The following TRAPPC9 variants were observed in gnomAD, a reference collection of about 807,000 sequenced individuals.
TRAPPC9 encodes the protein trafficking protein particle complex subunit 9.
TRAPPC9 carries 83 observed loss-of-function variants against 124.0 expected under a neutral mutation model. The observed-to-expected ratio is 0.67, with a 90% CI of 0.56 to 0.80. The LOEUF (loss-of-function observed/expected upper bound fraction) is 0.80, where lower values mean the gene tolerates loss of function less well. Ranked by LOEUF, TRAPPC9 falls within the 30% of genes least tolerant of loss-of-function variation. The probability of loss-of-function intolerance (pLI) is 0.00; values close to 1 mark genes in which losing one functional copy is unlikely to be tolerated. For missense variants in TRAPPC9, 1,302 were observed against 1,508.3 expected (o/e 0.86, Z 2.27); for synonymous variants, 638 against 617.5 (o/e 1.03, Z -0.49).
chr8:139,763,398 T>C (rs1353201780), intron 21 of TRAPPC9, among the ~76,000 whole-genome samples: 1 of 152,176 alleles, frequency 6.6e-6, no homozygotes, highest in Non-Finnish European at 1.5e-5. Context: ...ATGGGGAACT[T>C]TGAAAATCTG....
At chr8:139,997,800 T>C (rs1420175654) in intron 18 of TRAPPC9, among the ~76,000 whole-genome samples, 2 of 130,968 alleles carry the variant, frequency 1.5e-5, no homozygotes, top group African/African-American at 6.0e-5. Context: ...AGGGAGACAA[T>C]GCATCCTACA....
At chr8:140,333,067 A>G (rs1349287225) in intron 9 of TRAPPC9, among the ~76,000 whole-genome samples, 2 of 152,026 alleles carry the variant, frequency 1.3e-5, no homozygotes, top group East Asian at 3.9e-4. Flanking sequence ...CAGAGGTTGC[A>G]GTGAGCCGAG....
intron 20 of TRAPPC9, among the ~76,000 whole-genome samples, chr8:139,893,630 A>G (rs1224302234): frequency 6.6e-6 from 1 of 152,278 alleles, no homozygotes; most frequent in Non-Finnish European, 1.5e-5. Flanking sequence ...GCATGAATGT[A>G]GGCATAAAGA....
upstream of TRAPPC9, among the ~76,000 whole-genome samples, chr8:140,457,961 G>T (rs2071754058): frequency 1.7e-5 from 2 of 120,608 alleles, no homozygotes; most frequent in African/African-American, 6.6e-5. Context: ...TGGGGTGAAA[G>T]AAGGAGGGAG....
intron 16 of TRAPPC9, among the ~76,000 whole-genome samples, chr8:140,242,252 A>G (rs1306453881): frequency 2.0e-5 from 3 of 152,150 alleles, no homozygotes; most frequent in African/African-American, 7.2e-5. Context: ...ACACCAGAAG[A>G]TGGATTCAAG....
At chr8:139,795,381 C>A (rs1179831148) in intron 21 of TRAPPC9, among the ~76,000 whole-genome samples, 1 of 152,186 alleles carries the variant, frequency 6.6e-6, no homozygotes, top group Non-Finnish European at 1.5e-5. Context: ...TTCTCCTGGA[C>A]ACAGAGATCT....
At position 140,149,623 on chromosome 8, in the gene TRAPPC9, CA is replaced by C. The variant is rs397968262; in HGVS notation, c.2556+71835del. On this transcript the variant is annotated intron_variant, in intron 17 of 22. Coordinates refer to ENST00000438773, the MANE Select transcript of TRAPPC9 (RefSeq NM_001160372.4). The stretch of plus-strand genomic sequence containing the variant: ...TAAGTGACAGAGCAAGACTCCATCT[CA>C]AAAAAAAAAAAAAGAATATTATTCC... Among the ~76,000 whole-genome samples the C allele has an allele frequency of 9.9e-3, 1,284 of 130,024 alleles. 5 individuals carry two copies. Among genetic ancestry groups the C allele is most frequent in the African/African-American group, 0.014 (513 of 35,586 alleles). 85.3% of individuals were successfully genotyped at this position (130,024 alleles called of 152,430 possible).
chr8:140,297,539 G>A (rs930333230), intron 11 of TRAPPC9, among the ~76,000 whole-genome samples: 27 of 152,158 alleles, frequency 1.8e-4, no homozygotes, highest in African/African-American at 6.3e-4. Flanking sequence ...TTTTTCAAGG[G>A]CATGACCCCA....
chr8:139,940,099 G>A (rs1055744960), intron 19 of TRAPPC9, among the ~76,000 whole-genome samples: 11 of 152,170 alleles, frequency 7.2e-5, no homozygotes, highest in South Asian at 4.1e-4. Flanking sequence ...TGGGATTCCC[G>A]TCGTTTGGTT....
chr8:140,420,532 C>T (rs1161250660), intron 5 of TRAPPC9, among the ~76,000 whole-genome samples: 2 of 152,006 alleles, frequency 1.3e-5, no homozygotes, highest in Non-Finnish European at 2.9e-5. Flanking sequence ...ATTTTCTTTA[C>T]CTTTATTTTC....
intron 17 of TRAPPC9, among the ~76,000 whole-genome samples, chr8:140,043,241 C>T (rs1411657016): frequency 6.6e-6 from 1 of 152,194 alleles, no homozygotes; most frequent in Non-Finnish European, 1.5e-5. Context: ...GAATATCTTA[C>T]ATAGGCCAAT....
At chr8:140,036,520 C>T (rs554992994) in intron 17 of TRAPPC9, among the ~76,000 whole-genome samples, 1 of 152,254 alleles carries the variant, frequency 6.6e-6, no homozygotes, top group South Asian at 2.1e-4. Flanking sequence ...CCAGTTTACT[C>T]AAGTTGGGGA....
At chr8:140,039,727 A>G (rs956304234) in intron 17 of TRAPPC9, 1 of 152,210 alleles carries the variant, frequency 6.6e-6, no homozygotes, top group African/African-American at 2.4e-5. Flanking sequence ...CCTTCCTGCT[A>G]TGGTGCTAGC....
intron 21 of TRAPPC9, among the ~76,000 whole-genome samples, chr8:139,873,703 G>A (rs1166080872): frequency 6.6e-6 from 1 of 152,228 alleles, no homozygotes; most frequent in African/African-American, 2.4e-5. Flanking sequence ...GTTACTTCAG[G>A]TGGAAGCAGC....
rs2063194625 is a variant in TRAPPC9 at position 140,216,384 on chromosome 8, C to A, written c.2556+5075G>T. Among the ~76,000 whole-genome samples the A allele has an allele frequency of 6.6e-6, 1 of 152,176 alleles. No homozygotes were observed. The highest frequency in any genetic ancestry group is 6.5e-5 in the Admixed American group (1 of 15,268). ...TCAATTGAAGAAAACAAAATCCATG[C>A]CACAGGCACCAAGACCCAACCAAGT... On this transcript the variant is annotated intron_variant, in intron 17 of 22. Transcript: ENST00000438773. This position sits in a 1 kb window ranked among gnomAD's most constrained non-coding sequence, Gnocchi z 4.1.
At chr8:139,741,065 G>T (rs1174268025) in intron 21 of TRAPPC9, among the ~76,000 whole-genome samples, 2 of 152,186 alleles carry the variant, frequency 1.3e-5, no homozygotes, top group Admixed American at 1.3e-4. Context: ...AGGATGTGGG[G>T]GAAGAGGCCT....
At chr8:140,047,703 A>C (rs973221043) in intron 17 of TRAPPC9, among the ~76,000 whole-genome samples, 1 of 152,140 alleles carries the variant, frequency 6.6e-6, no homozygotes, top group Non-Finnish European at 1.5e-5. Flanking sequence ...GTTGGTGCTG[A>C]GGGGCTGGGT....
Position 140,282,970 on chromosome 8 carries a change from G to A in TRAPPC9, c.2114+919C>T, listed in dbSNP as rs2065369385. On this transcript the variant is annotated intron_variant, in intron 14 of 22. Transcript: ENST00000438773. The stretch of plus-strand genomic sequence containing the variant: ...GGATAAGAGTTGGCTGAGCACGGTG[G>A]CTCACACCTGTAATCCCAGCACTTT... 2.0e-5 allele frequency among the ~76,000 whole-genome samples: 3 copies of A among 152,218 alleles called. No homozygotes were observed. The South Asian group carries it at 6.2e-4, about 32-fold the overall frequency.
At chr8:140,020,087 C>T (rs1355419977) in intron 18 of TRAPPC9, among the ~76,000 whole-genome samples, 1 of 151,788 alleles carries the variant, frequency 6.6e-6, no homozygotes, top group Non-Finnish European at 1.5e-5. Context: ...AGTAATGCCA[C>T]CTCTTTCATT....
Sources: allele counts gnomAD v4.1 joint callset (sites outside exome capture counted in the v4.1 genomes callset), GRCh38; gene constraint gnomAD v4.1.1; non-coding constraint Gnocchi (gnomAD v3.1); transcripts MANE v1.5; gene names NCBI Gene and HGNC (gene_info 2026-07-23, HGNC 2026-07-21).